The following SATB2 variants were observed in gnomAD, a reference collection of about 807,000 sequenced individuals.
The protein encoded by SATB2 is SATB homeobox 2.
SATB2 carries 1 observed loss-of-function variant against 73.4 expected under a neutral mutation model. That is an observed-to-expected ratio of 0.01 (90% CI 0.00 to 0.06). The LOEUF is 0.06. Ranked by LOEUF, SATB2 falls within the 10% of genes least tolerant of loss-of-function variation. SATB2 has a pLI of 1.00. For missense variants in SATB2, 459 were observed against 945.8 expected, an observed-to-expected ratio of 0.49 and a Z score of 6.75; for synonymous variants, 397 against 367.0, an observed-to-expected ratio of 1.08 and a Z score of -0.93.
At chr2:199,344,645 C>A (rs1348389277) in intron 7 of SATB2, among the ~76,000 whole-genome samples, 1 of 152,200 alleles carries the variant, frequency 6.6e-6, no homozygotes, top group Non-Finnish European at 1.5e-5. Context: ...TTCTTCCTTG[C>A]TCCCAGTCCT....
At position 199,403,649 on chromosome 2, in the gene SATB2, T is replaced by C. The variant is rs184164386; in HGVS notation, c.347-21829A>G. ...ACATGCAAAAAGGAAGCTATTTGCA[T>C]TCAGAAATCTCAGTTTTTTAAATAA... On this transcript the variant is annotated intron_variant, in intron 3 of 10. Transcript: ENST00000417098. Among the ~76,000 whole-genome samples, 115 of 152,330 alleles carry C rather than the reference T, an allele frequency of 7.5e-4. 6 individuals are homozygous for C. In the East Asian group the frequency reaches 0.012, roughly 16 times the overall value.
chr2:199,376,425 T>G (rs1389851340), intron 5 of SATB2, among the ~76,000 whole-genome samples: 1 of 152,190 alleles, frequency 6.6e-6, no homozygotes, highest in East Asian at 1.9e-4. Context: ...CTGAGAGTGG[T>G]ACTCCTCCTG....
intron 3 of SATB2, among the ~76,000 whole-genome samples, chr2:199,383,975 T>C (rs952166502): frequency 6.6e-6 from 1 of 152,252 alleles, no homozygotes; most frequent in South Asian, 2.1e-4. Context: ...TGCATGGTTA[T>C]ACAAATTGTC....
chr2:199,383,904 G>T (rs1333807078), intron 3 of SATB2, among the ~76,000 whole-genome samples: 1 of 152,188 alleles, frequency 6.6e-6, no homozygotes, highest in Non-Finnish European at 1.5e-5. Flanking sequence ...AAGTCAGAGG[G>T]ACAGAAAGGG....
chr2:199,343,521 T>C (rs1688565207), intron 7 of SATB2, among the ~76,000 whole-genome samples: 1 of 152,192 alleles, frequency 6.6e-6, no homozygotes, highest in East Asian at 1.9e-4. Context: ...ACAATGCTGC[T>C]GGTAAAACCA....
Position 199,433,363 on chromosome 2 carries a change from A to G in SATB2, c.321T>C (p.Ser107=), listed in dbSNP as rs201955666. The G allele has an allele frequency of 6.2e-7, 1 of 1,614,094 alleles. No individual in the cohort carries two copies. Among genetic ancestry groups the G allele is most frequent in the Non-Finnish European group, 8.5e-7 (1 of 1,179,994 alleles). Reference sequence around the variant, plus strand: ...CTTGGGCCTGGGCCGCAGAGCTGTGAGAATACCCCAGGGCCAGGAGCGCAG... The same window carrying G: ...CTTGGGCCTGGGCCGCAGAGCTGTGGGAATACCCCAGGGCCAGGAGCGCAG... ...VETALLALGY[S]HSSAAQAQGI... Residue 107 remains serine, a synonymous_variant, in exon 3 of 11, where the codon TCT becomes TCC. Transcript: ENST00000417098.
upstream of SATB2, chr2:199,467,459 A>G (rs973280801): frequency 2.6e-5 from 4 of 152,240 alleles, no homozygotes; most frequent in African/African-American, 9.6e-5. Flanking sequence ...ATTTGTCATC[A>G]TTGGAAACCT....
upstream of SATB2, among the ~76,000 whole-genome samples, chr2:199,461,117 A>G (rs1020009198): frequency 2.0e-5 from 3 of 152,232 alleles, no homozygotes; most frequent in Non-Finnish European, 2.9e-5. Context: ...ATGTTTGTAG[A>G]GTTGTATTTC....
At chr2:199,371,029 G>T (rs1689431705) in intron 5 of SATB2, among the ~76,000 whole-genome samples, 1 of 149,992 alleles carries the variant, frequency 6.7e-6, no homozygotes. Flanking sequence ...TTGAGTTTAT[G>T]ACACATTTTA....
At chr2:199,436,460 G>A (rs1691656390) in intron 2 of SATB2, among the ~76,000 whole-genome samples, 1 of 151,466 alleles carries the variant, frequency 6.6e-6, no homozygotes, top group African/African-American at 2.4e-5. Context: ...AAAACTTTGT[G>A]GTCATTTATA....
intron 3 of SATB2, among the ~76,000 whole-genome samples, chr2:199,419,081 C>T (rs1033038318): frequency 1.3e-5 from 2 of 152,192 alleles, no homozygotes; most frequent in African/African-American, 4.8e-5. Flanking sequence ...ACCAGTACTA[C>T]AAACAGAACT....
At chr2:199,313,972 G>A (rs1375812259) in intron 9 of SATB2, among the ~76,000 whole-genome samples, 1 of 152,138 alleles carries the variant, frequency 6.6e-6, no homozygotes, top group African/African-American at 2.4e-5. Flanking sequence ...CTTCTGCCAT[G>A]TTACTCTCTT....
At chr2:199,303,151 C>G (rs1315412217) in intron 10 of SATB2, among the ~76,000 whole-genome samples, 1 of 152,174 alleles carries the variant, frequency 6.6e-6, no homozygotes, top group African/African-American at 2.4e-5. Context: ...AAGTCAGACT[C>G]TGAAGGTAGA....
At chr2:199,466,248 G>C (rs1228320012), upstream of SATB2, among the ~76,000 whole-genome samples, 1 of 152,148 alleles carries the variant, frequency 6.6e-6, no homozygotes, top group Non-Finnish European at 1.5e-5. Context: ...TGGGGCACTG[G>C]AGCACCTGAC....
intron 10 of SATB2, among the ~76,000 whole-genome samples, chr2:199,295,547 C>T (rs945662806): frequency 2.0e-5 from 3 of 152,120 alleles, no homozygotes; most frequent in Admixed American, 6.5e-5. Context: ...TAACAATTGG[C>T]TTCTGCAAGC....
At chr2:199,390,808 T>C (rs573013345) in intron 3 of SATB2, among the ~76,000 whole-genome samples, 48 of 152,298 alleles carry the variant, frequency 3.2e-4, no homozygotes, top group African/African-American at 1.1e-3. Context: ...CTAGGTTCAA[T>C]ATCCCTGGAA....
chr2:199,349,259 T>C (rs573695784), intron 6 of SATB2, 86 bp from the exon 7 acceptor site: 11 of 1,058,930 alleles, frequency 1.0e-5, no homozygotes, highest in Non-Finnish European at 1.4e-5. Flanking sequence ...TTATCATACT[T>C]TTGGCATGTT....
At chr2:199,397,423 A>C (rs958285693) in intron 3 of SATB2, 2 of 152,464 alleles carry the variant, frequency 1.3e-5, no homozygotes, top group African/African-American at 4.8e-5. Context: ...TCTGAAAAAT[A>C]ACTCAACAAT....
At chr2:199,427,744 A>G (rs983412438) in intron 3 of SATB2, among the ~76,000 whole-genome samples, 61 of 152,114 alleles carry the variant, frequency 4.0e-4, no homozygotes, top group African/African-American at 1.4e-3. Context: ...TGTTTCCATA[A>G]AAAATGATTT....
Sources: allele counts gnomAD v4.1 joint callset (sites outside exome capture counted in the v4.1 genomes callset), GRCh38; gene constraint gnomAD v4.1.1; transcripts MANE v1.5; gene names NCBI Gene and HGNC (gene_info 2026-07-23, HGNC 2026-07-21).